Variants in FER1L6 observed in about 807,000 individuals in gnomAD.
FER1L6 encodes fer-1-like protein 6.
FER1L6 carries 177 observed loss-of-function variants against 219.2 expected under a neutral mutation model. The observed-to-expected ratio is 0.81, with a 90% confidence interval of 0.71 to 0.91. The LOEUF is 0.91. Among genes scored for constraint, FER1L6 ranks in the 40% least tolerant of loss-of-function variants. FER1L6 has a pLI of 0.00. For synonymous variants in FER1L6, 768 were observed against 824.3 expected (o/e 0.93, Z 1.17); for missense variants, 2,153 against 2,259.9 (o/e 0.95, Z 0.96).
intron 13 of FER1L6, among the ~76,000 whole-genome samples, chr8:124,009,467 G>C (rs1282273789): frequency 6.6e-6 from 1 of 152,038 alleles, no homozygotes; most frequent in East Asian, 1.9e-4. Flanking sequence ...CACTGATGTT[G>C]CAGGGTCGTG....
intron 15 of FER1L6, among the ~76,000 whole-genome samples, chr8:124,016,899 T>C (rs1453785428): frequency 6.6e-6 from 1 of 152,194 alleles, no homozygotes; most frequent in Non-Finnish European, 1.5e-5. Flanking sequence ...AGTTTAATTT[T>C]GAATCAAATT....
At chr8:123,917,954 C>T (rs1027098414) in intron 1 of FER1L6, among the ~76,000 whole-genome samples, 4 of 152,174 alleles carry the variant, frequency 2.6e-5, no homozygotes, top group Admixed American at 6.5e-5. Context: ...GCATTTCTTG[C>T]ATTTTCCCCT....
chr8:124,083,467 T>C (rs1210718193), intron 33 of FER1L6, among the ~76,000 whole-genome samples: 1 of 152,176 alleles, frequency 6.6e-6, no homozygotes, highest in Non-Finnish European at 1.5e-5. Context: ...CCCAGCACCA[T>C]TTATTGAAGA....
intron 13 of FER1L6, 151 bp downstream of exon 13, chr8:124,003,498 T>G: frequency 1.6e-6 from 1 of 610,056 alleles, no homozygotes; most frequent in Non-Finnish European, 2.7e-6. Flanking sequence ...GAGTCTTGCT[T>G]GGTCACCAGA....
rs913928926 is a variant in FER1L6, at chr8:123,986,125, A to C, written c.1468A>C (p.Met490Leu). Residue 490 changes from methionine (M) to leucine (L), a missense_variant, in exon 12 of 41, where the codon ATG becomes CTG. Coordinates refer to ENST00000522917, the MANE Select transcript of FER1L6 (RefSeq NM_001039112.2). ...LLFGAFFEAT[M>L]IDRKIGDKPI... ...CTTTGGAGCATTTTTTGAAGCTACC[A>C]TGATTGACCGGAAGATTGGAGATAA... 1 of 1,613,758 alleles carries C rather than the reference A, an allele frequency of 6.2e-7. No individual in the cohort carries two copies. The highest frequency in any genetic ancestry group is 1.3e-5 in the African/African-American group (1 of 74,942).
intron 26 of FER1L6, 41 bp from the exon 27 acceptor site, chr8:124,066,387 A>G: frequency 6.3e-7 from 1 of 1,598,386 alleles, no homozygotes; most frequent in Non-Finnish European, 8.5e-7. Flanking sequence ...ATGCAGCCAA[A>G]TGAGGTTGAA....
At chr8:124,119,504 T>C in intron 40 of FER1L6, 103 bp from the exon 41 acceptor site, 1 of 763,190 alleles carries the variant, frequency 1.3e-6, no homozygotes, top group East Asian at 2.4e-5. Context: ...GCTCTCCCTA[T>C]GGGTCCTCAG....
At chr8:124,004,864 G>T (rs1586579687) in intron 13 of FER1L6, among the ~76,000 whole-genome samples, 1 of 152,144 alleles carries the variant, frequency 6.6e-6, no homozygotes, top group African/African-American at 2.4e-5. Flanking sequence ...AGGGCATGGT[G>T]GCGGGCACCT....
intron 16 of FER1L6, among the ~76,000 whole-genome samples, chr8:124,020,999 G>A (rs1445107423): frequency 6.6e-6 from 1 of 152,128 alleles, no homozygotes; most frequent in African/African-American, 2.4e-5. Context: ...GGCCATGGTG[G>A]CCTCCAGTCA....
chr8:123,856,286 G>GTA (rs1816642473), intron 1 of FER1L6, among the ~76,000 whole-genome samples: 2 of 84,412 alleles, frequency 2.4e-5, no homozygotes, highest in African/African-American at 8.9e-5. Context: ...GTATATATGT[G>GTA]TGTGTGTATA....
intron 1 of FER1L6, among the ~76,000 whole-genome samples, chr8:123,913,698 G>A (rs4871423): frequency 0.33 from 49,927 of 151,976 alleles, 8,692 homozygotes; most frequent in East Asian, 0.44. Flanking sequence ...GAACCCTTGT[G>A]TTGGACAAGT....
At chr8:123,924,490 C>T (rs1031144069) in intron 1 of FER1L6, among the ~76,000 whole-genome samples, 2 of 151,394 alleles carry the variant, frequency 1.3e-5, no homozygotes, top group African/African-American at 2.4e-5. Context: ...TGCAGTGAGC[C>T]GAGATCATAC....
intron 1 of FER1L6, among the ~76,000 whole-genome samples, chr8:123,888,767 A>C (rs114112626): frequency 0.011 from 1,622 of 152,348 alleles, 23 homozygotes; most frequent in African/African-American, 0.037. Context: ...TTTCATGGCT[A>C]AAATTCCAAG....
At chr8:123,887,565 G>T (rs1216465413) in intron 1 of FER1L6, among the ~76,000 whole-genome samples, 1 of 152,232 alleles carries the variant, frequency 6.6e-6, no homozygotes, top group Non-Finnish European at 1.5e-5. Context: ...GGCCCTGACA[G>T]TGGGGTCTGC....
intron 1 of FER1L6, among the ~76,000 whole-genome samples, chr8:123,882,023 G>A (rs1218058903): frequency 1.3e-5 from 2 of 152,052 alleles, no homozygotes; most frequent in Non-Finnish European, 2.9e-5. Context: ...TAATCAAATA[G>A]CATCATCCTT....
intron 12 of FER1L6, among the ~76,000 whole-genome samples, chr8:123,998,759 G>A (rs1174381608): frequency 6.6e-6 from 1 of 152,136 alleles, no homozygotes; most frequent in African/African-American, 2.4e-5. Flanking sequence ...CGGCTGAGCT[G>A]GCATCCAAGT....
chr8:124,036,613 T>A (rs1278830986), intron 19 of FER1L6, among the ~76,000 whole-genome samples: 2 of 152,200 alleles, frequency 1.3e-5, no homozygotes, highest in African/African-American at 4.8e-5. Flanking sequence ...GAGAGAGTTT[T>A]CATCTTTGGG....
chr8:124,011,595 T>C (rs1817925718), intron 14 of FER1L6, among the ~76,000 whole-genome samples: 1 of 151,058 alleles, frequency 6.6e-6, no homozygotes, highest in African/African-American at 2.4e-5. Context: ...CCCTCCCACC[T>C]CAGCATCCCA....
chr8:124,108,523 A>G (rs1050424449), intron 39 of FER1L6, among the ~76,000 whole-genome samples: 1 of 152,198 alleles, frequency 6.6e-6, no homozygotes, highest in African/African-American at 2.4e-5. Context: ...CCTCAAACTC[A>G]AAATACCTAA....
Sources: allele counts gnomAD v4.1 joint callset (sites outside exome capture counted in the v4.1 genomes callset), GRCh38; gene constraint gnomAD v4.1.1; transcripts MANE v1.5; gene names NCBI Gene and HGNC (gene_info 2026-07-23, HGNC 2026-07-21).